GALNT13: variants seen among roughly 807,000 people sequenced by gnomAD.
GALNT13 encodes UDP-GalNAc:polypeptide N-acetylgalactosaminyltransferase 13.
Under a neutral mutation model 64.2 loss-of-function variants are expected in GALNT13, and 28 were observed. The observed-to-expected ratio is 0.44, with a 90% CI of 0.32 to 0.60. GALNT13 has a LOEUF of 0.60. Ranked by LOEUF, GALNT13 falls within the 20% of genes least tolerant of loss-of-function variation. The pLI, the probability that GALNT13 is intolerant of heterozygous loss-of-function variation, is 0.05. For missense variants in GALNT13, 577 were observed against 669.8 expected (o/e 0.86, Z 1.53); for synonymous variants, 214 against 224.6 (o/e 0.95, Z 0.42).
the GALNT13 span, among the ~76,000 whole-genome samples, chr2:153,398,005 C>T: frequency 6.6e-6 from 1 of 151,834 alleles, no homozygotes; most frequent in Admixed American, 6.6e-5. Context: ...ATGTGCCATG[C>T]TGGTGTGCTG....
the GALNT13 span, chr2:153,208,052 A>G: frequency 5.4e-5 from 8 of 147,338 alleles, no homozygotes; most frequent in African/African-American, 1.8e-4. Context: ...AGGCCAGAGC[A>G]ATACAAATAT....
At chr2:154,374,582 T>A (rs949173879) in intron 9 of GALNT13, among the ~76,000 whole-genome samples, 2 of 152,182 alleles carry the variant, frequency 1.3e-5, no homozygotes, top group Non-Finnish European at 2.9e-5. Context: ...GTGGCAAGTA[T>A]GTAAAGTTTA....
At chr2:153,774,218 A>G in the GALNT13 span, among the ~76,000 whole-genome samples, 3 of 152,098 alleles carry the variant, frequency 2.0e-5, no homozygotes, top group Non-Finnish European at 4.4e-5. Flanking sequence ...CATCATAAAT[A>G]CTAAATCATA....
intron 3 of GALNT13, among the ~76,000 whole-genome samples, chr2:154,044,796 T>C (rs900982982): frequency 6.6e-6 from 1 of 152,210 alleles, no homozygotes; most frequent in Non-Finnish European, 1.5e-5. Flanking sequence ...TTTTTCTTTT[T>C]TTAATTTTTA....
chr2:154,094,402 T>C (rs1201555330), intron 3 of GALNT13, among the ~76,000 whole-genome samples: 1 of 151,976 alleles, frequency 6.6e-6, no homozygotes, highest in Non-Finnish European at 1.5e-5. Flanking sequence ...CTCCAAACTC[T>C]TATGGTTACT....
At chr2:154,368,161 TA>T (rs11345701) in intron 9 of GALNT13, among the ~76,000 whole-genome samples, 150,670 of 152,004 alleles carry the variant, frequency 0.99, 74,693 homozygotes, top group Middle Eastern at 1. Flanking sequence ...ATAAAATATG[TA>T]AAAAAAAAAT....
the GALNT13 span, among the ~76,000 whole-genome samples, chr2:153,161,380 C>T: frequency 6.6e-6 from 1 of 152,116 alleles, no homozygotes; most frequent in African/African-American, 2.4e-5. Context: ...ACAAAAACAC[C>T]TGCCTTTGTG....
chr2:153,371,553 T>TA, the GALNT13 span, among the ~76,000 whole-genome samples: 1 of 152,206 alleles, frequency 6.6e-6, no homozygotes, highest in African/African-American at 2.4e-5. Flanking sequence ...CAGTGCCATT[T>TA]ATGATACCAT....
upstream of GALNT13, among the ~76,000 whole-genome samples, chr2:153,869,538 T>C (rs757287536): frequency 7.2e-5 from 11 of 152,194 alleles, no homozygotes; most frequent in Non-Finnish European, 1.6e-4. Context: ...CATTCAATTA[T>C]GCATTTTTTA....
At chr2:153,877,378 T>C (rs1686452065) in intron 1 of GALNT13, among the ~76,000 whole-genome samples, 1 of 152,160 alleles carries the variant, frequency 6.6e-6, no homozygotes, top group African/African-American at 2.4e-5. Context: ...ATTAATCTGC[T>C]TGTTGACACA....
the GALNT13 span, among the ~76,000 whole-genome samples, chr2:153,462,184 A>T: frequency 6.6e-6 from 1 of 152,122 alleles, no homozygotes; most frequent in East Asian, 1.9e-4. Flanking sequence ...AATTCAAAAT[A>T]ACAAAATAAA....
chr2:154,168,563 AGTGGCTCACACCT>A (rs1214347108), intron 4 of GALNT13, among the ~76,000 whole-genome samples: 1 of 151,284 alleles, frequency 6.6e-6, no homozygotes, highest in Non-Finnish European at 1.5e-5. Flanking sequence ...GGCCGGGTGT[AGTGGCTCACACCT>A]GTAATCCCAG....
chr2:153,441,581 C>G, the GALNT13 span, among the ~76,000 whole-genome samples: 2 of 152,178 alleles, frequency 1.3e-5, no homozygotes, highest in Non-Finnish European at 1.5e-5. Flanking sequence ...TATTCATGAG[C>G]ATGGAATATT....
intron 4 of GALNT13, among the ~76,000 whole-genome samples, chr2:154,172,240 A>G (rs990910240): frequency 6.6e-6 from 1 of 152,092 alleles, no homozygotes; most frequent in African/African-American, 2.4e-5. Flanking sequence ...TACATTCATA[A>G]AATTTGTAAA....
At chr2:154,313,871 A>AT (rs113461400) in intron 9 of GALNT13, among the ~76,000 whole-genome samples, 27,492 of 151,206 alleles carry the variant, frequency 0.18, 2,552 homozygotes, top group East Asian at 0.25. Flanking sequence ...TAGTCTAATC[A>AT]TTTTTTTTTG....
At chr2:153,646,344 T>C in the GALNT13 span, among the ~76,000 whole-genome samples, 1 of 151,878 alleles carries the variant, frequency 6.6e-6, no homozygotes, top group South Asian at 2.1e-4. Context: ...TGCATTTTTA[T>C]TGACATGGTT....
intron 9 of GALNT13, among the ~76,000 whole-genome samples, chr2:154,315,730 G>T (rs13392613): frequency 0.19 from 29,302 of 152,182 alleles, 3,290 homozygotes; most frequent in Middle Eastern, 0.35. Flanking sequence ...GATTTAACTG[G>T]AGTTTCAAAA....
At chr2:154,096,839 G>A (rs906098448) in intron 3 of GALNT13, among the ~76,000 whole-genome samples, 3 of 151,960 alleles carry the variant, frequency 2.0e-5, no homozygotes, top group African/African-American at 7.2e-5. Flanking sequence ...TTTTATTAAT[G>A]ATAAAGATGA....
At chr2:154,266,167 C>T (rs1216321704) in intron 8 of GALNT13, among the ~76,000 whole-genome samples, 1 of 152,138 alleles carries the variant, frequency 6.6e-6, no homozygotes, top group African/African-American at 2.4e-5. Context: ...AAAACCTACA[C>T]ATATTTAATG....
Sources: allele counts gnomAD v4.1 joint callset (sites outside exome capture counted in the v4.1 genomes callset), GRCh38; gene constraint gnomAD v4.1.1; transcripts MANE v1.5; gene names NCBI Gene and HGNC (gene_info 2026-07-23, HGNC 2026-07-21).